Variants in THOC2 observed in about 807,000 individuals in gnomAD.
THOC2 encodes THO complex 2.
Under a neutral mutation model 128.4 loss-of-function variants are expected in THOC2, and 10 were observed. The ratio of observed to expected loss-of-function variants is 0.08; its 90% CI spans 0.05 to 0.13. The LOEUF is 0.13. THOC2 is among the 10% of genes least tolerant of loss of function. The pLI is 1.00. For synonymous variants in THOC2, 393 were observed against 396.9 expected (o/e 0.99, Z 0.12); for missense variants, 535 against 1,155.7 (o/e 0.46, Z 7.79).
rs779223989 is a variant in THOC2 at position 123,659,622 on chromosome X, A to G, written c.1386+6020T>C. 2.7e-5 allele frequency among the ~76,000 whole-genome samples: 3 copies of G among 112,451 alleles called. No individual in the cohort carries two copies. The South Asian group carries it at 1.1e-3, about 41-fold the overall frequency. ...CTCTGGGTGATTACAAGGCATGCTG[A>G]AGTTTGAGAATCACTGTACTAGGAG... On this transcript the variant is annotated intron_variant, in intron 12 of 38. Transcript: ENST00000245838.
intron 3 of THOC2, among the ~76,000 whole-genome samples, chrX:123,705,542 G>T (rs750229342): frequency 9.1e-6 from 1 of 109,712 alleles, no homozygotes; most frequent in Non-Finnish European, 1.9e-5. Flanking sequence ...TTTTTTTAAC[G>T]TTAAAAAAAA....
chrX:123,615,304 C>T (rs1170315668), intron 33 of THOC2, among the ~76,000 whole-genome samples: 3 of 111,118 alleles, frequency 2.7e-5, no homozygotes, highest in African/African-American at 9.8e-5. Flanking sequence ...GAGAATTAAA[C>T]ACTTATTTTT....
At chrX:123,726,074 T>A (rs2051966325) in intron 1 of THOC2, among the ~76,000 whole-genome samples, 1 of 111,136 alleles carries the variant, frequency 9.0e-6, no homozygotes, top group African/African-American at 3.3e-5. Context: ...CCGGGCTTGG[T>A]GGCCAATGCC....
chrX:123,605,612 CA>C (rs201018767), intron 38 of THOC2, among the ~76,000 whole-genome samples: 2 of 110,531 alleles, frequency 1.8e-5, no homozygotes, highest in South Asian at 7.7e-4. Flanking sequence ...TGTTTGGTGG[CA>C]AAAAAAGTCA....
chrX:123,696,150 T>C lies in THOC2; in HGVS notation c.472A>G (p.Lys158Glu). The C allele has an allele frequency of 8.6e-7, 1 of 1,161,453 alleles. No individual in the cohort carries two copies. Among genetic ancestry groups the C allele is most frequent in the Non-Finnish European group, 1.2e-6 (1 of 854,802 alleles). ...CTTAACAAATTGAATTTTTGCTGCTTATAACTGAAATCAGATAAATATCAT... is the reference window on the plus strand; with the variant it reads ...CTTAACAAATTGAATTTTTGCTGCTCATAACTGAAATCAGATAAATATCAT... ...SVKIKTKLFY[K>E]QQKFNLLREE... Residue 158 changes from lysine to glutamate, a missense_variant, in exon 7 of 39, where the codon AAG (lysine) becomes GAG (glutamate). Coordinates refer to ENST00000245838, the MANE Select transcript of THOC2 (RefSeq NM_001081550.2).
intron 12 of THOC2, among the ~76,000 whole-genome samples, chrX:123,649,936 A>C (rs2048288898): frequency 9.0e-6 from 1 of 111,576 alleles, no homozygotes; most frequent in African/African-American, 3.3e-5. Context: ...CCAACATTCA[A>C]AATTCAGGAA....
chrX:123,706,942 C>T lies in THOC2; in HGVS notation c.138G>A (p.Gln46=). ...SHDSSTYRDF[Q]QALYELSYHV... is the part of the protein sequence containing the mutation. ...GATATGACAACTCATAGAGAGCTTGCTGGAAATCTGTTGAACATAAGAGAA... is the reference window on the plus strand; with the variant it reads ...GATATGACAACTCATAGAGAGCTTGTTGGAAATCTGTTGAACATAAGAGAA... The change falls in exon 3 of 39, where the codon CAG becomes CAA. Residue 46 remains glutamine, a synonymous_variant. Coordinates refer to ENST00000245838, the MANE Select transcript of THOC2 (RefSeq NM_001081550.2). 1 of 1,105,880 alleles carries T rather than the reference C, an allele frequency of 9.0e-7. No individual in the cohort carries two copies. Among genetic ancestry groups the T allele is most frequent in the Non-Finnish European group, 1.2e-6 (1 of 825,726 alleles). 91.1% of individuals were successfully genotyped at this position (1,105,880 alleles called of 1,213,427 possible). A position where few individuals can be genotyped will look rare whatever the true frequency, so the allele number is the denominator to read the frequency against.
At chrX:123,705,544 T>C (rs1289014252) in intron 3 of THOC2, among the ~76,000 whole-genome samples, 1 of 108,805 alleles carries the variant, frequency 9.2e-6, no homozygotes, top group Admixed American at 9.9e-5. Context: ...TTTTTAACGT[T>C]AAAAAAAAAG....
intron 23 of THOC2, 132 bp downstream of exon 23, chrX:123,627,561 C>A (rs1290441410): frequency 1.5e-6 from 1 of 676,609 alleles, no homozygotes; most frequent in African/African-American, 2.2e-5. Flanking sequence ...AACTATTAAA[C>A]CCCATTTAAG....
chrX:123,686,827 ACTTT>A, intron 7 of THOC2, 113 bp from the exon 8 acceptor site: 2 of 641,792 alleles, frequency 3.1e-6, no homozygotes, highest in Non-Finnish European at 4.6e-6. Context: ...TTTAAAAACA[ACTTT>A]CTTTACAAAT....
chrX:123,671,611 C>T, intron 9 of THOC2, 58 bp downstream of exon 9: 2 of 770,174 alleles, frequency 2.6e-6, no homozygotes, highest in Non-Finnish European at 1.9e-6. Context: ...GCTACCTACT[C>T]CTCTTCCCTA....
At chrX:123,645,694 C>G (rs2048093407) in intron 12 of THOC2, among the ~76,000 whole-genome samples, 1 of 112,003 alleles carries the variant, frequency 8.9e-6, no homozygotes, top group Non-Finnish European at 1.9e-5. Flanking sequence ...GGGCGCGGTG[C>G]CTCACGCCTG....
At chrX:123,666,646 G>T (rs1200007145) in intron 11 of THOC2, among the ~76,000 whole-genome samples, 2 of 111,856 alleles carry the variant, frequency 1.8e-5, no homozygotes, top group African/African-American at 6.5e-5. Context: ...GATAAGAGAG[G>T]CTAAACTACT....
chrX:123,673,653 A>G (rs1272113817), intron 8 of THOC2, among the ~76,000 whole-genome samples: 1 of 112,006 alleles, frequency 8.9e-6, no homozygotes, highest in African/African-American at 3.2e-5. Flanking sequence ...ATCATATGGA[A>G]TTCATGATCC....
At chrX:123,633,578 A>T (rs1451282953) in intron 20 of THOC2, among the ~76,000 whole-genome samples, 2 of 110,346 alleles carry the variant, frequency 1.8e-5, no homozygotes, top group East Asian at 5.7e-4. Flanking sequence ...AATTTTTTGT[A>T]TTTTTAGTAG....
At chrX:123,707,450 C>T (rs1167591575) in intron 2 of THOC2, among the ~76,000 whole-genome samples, 1 of 111,794 alleles carries the variant, frequency 8.9e-6, no homozygotes, top group Non-Finnish European at 1.9e-5. Context: ...TAACCATACC[C>T]TAGTGTGAGA....
At chrX:123,629,647 G>A (rs1000331935) in intron 22 of THOC2, among the ~76,000 whole-genome samples, 1 of 111,412 alleles carries the variant, frequency 9.0e-6, no homozygotes, top group Non-Finnish European at 1.9e-5. Context: ...CAACCACTGA[G>A]ACCACGTAAG....
At chrX:123,713,751 G>A (rs1021999009) in intron 1 of THOC2, among the ~76,000 whole-genome samples, 1 of 109,222 alleles carries the variant, frequency 9.2e-6, no homozygotes, top group Non-Finnish European at 1.9e-5. Flanking sequence ...GGGAGGCTGG[G>A]GTGAAAAAAT....
At chrX:123,678,336 G>C (rs1167643821) in intron 8 of THOC2, among the ~76,000 whole-genome samples, 1 of 106,391 alleles carries the variant, frequency 9.4e-6, no homozygotes, top group Non-Finnish European at 1.9e-5. Context: ...CACGATCTCG[G>C]CTCACTGCAA....
Sources: allele counts gnomAD v4.1 joint callset (sites outside exome capture counted in the v4.1 genomes callset), GRCh38; gene constraint gnomAD v4.1.1; transcripts MANE v1.5; gene names NCBI Gene and HGNC (gene_info 2026-07-23, HGNC 2026-07-21).